The following SULT1B1 variants were observed in gnomAD, a reference collection of about 807,000 sequenced individuals.
SULT1B1 encodes sulfotransferase family 1B member 1.
In SULT1B1, 28 loss-of-function variants were observed where a neutral mutation model predicts 34.6. That is an observed-to-expected ratio of 0.81 (90% confidence interval 0.60 to 1.11). The LOEUF (loss-of-function observed/expected upper bound fraction) is 1.11. SULT1B1 is among the 50% of genes least tolerant of loss of function. The pLI, the probability that SULT1B1 is intolerant of heterozygous loss-of-function variation, is 0.00. For missense variants in SULT1B1, 374 were observed against 352.2 expected (o/e 1.06, Z -0.50); for synonymous variants, 147 against 110.2 (o/e 1.33, Z -2.09).
At position 69,726,033 on chromosome 4, in the gene SULT1B1, CATATATATATATATATAT is replaced by C. The variant is rs756017821; in HGVS notation, c.*1037_*1054del. 0.018 allele frequency: 515 copies of C among 29,162 alleles called. 20 individuals are homozygous for C. Among genetic ancestry groups the C allele is most frequent in the African/African-American group, 0.033 (403 of 12,314 alleles). The allele number at this position is 29,162 out of a possible 1,614,324, so 1.8% of individuals were successfully genotyped here. A position where few individuals can be genotyped will look rare whatever the true frequency, so the allele number is the denominator to read the frequency against. On this transcript the variant is annotated 3_prime_UTR_variant, in exon 8 of 8. Transcript: ENST00000310613. ...ACTTAAAGTATAATAATAAAATGTA[CATATATATATATATATAT>C]ATATATATATATATATATATATATA...
chr4:69,723,011 G>C lies in SULT1B1; in HGVS notation c.*4077C>G, dbSNP rs939647258. On this transcript the variant is annotated 3_prime_UTR_variant, in exon 8 of 8. Transcript: ENST00000310613. ...AACAACTACTTCTAATGCCAAGCTG[G>C]AGTTAAGATCAGAGCATAACTGAAG... 9.9e-5 allele frequency: 15 copies of C among 151,580 alleles called. No homozygotes were observed. The highest frequency in any genetic ancestry group is 3.6e-4 in the African/African-American group (15 of 41,350). The allele number at this position is 151,580 out of a possible 1,614,324, so 9.4% of individuals were successfully genotyped here.
In SULT1B1 at chr4:69,728,600, C is replaced by T. The variant is rs141907861; in HGVS notation, c.779-1400G>A. ...AGAAGTTTTTCTATATGCAAATTAA[C>T]GAATGAGTACTCTAAATGTTTACTG... On this transcript the variant is annotated intron_variant, in intron 7 of 7. Transcript: ENST00000310613. Among the ~76,000 whole-genome samples, 666 of 150,500 alleles carry T rather than the reference C, an allele frequency of 4.4e-3. 14 individuals are homozygous for T. The highest frequency in any genetic ancestry group is 0.015 in the African/African-American group (629 of 40,928).
At chr4:69,749,191 AAAT>A (rs1299696099) in intron 4 of SULT1B1, among the ~76,000 whole-genome samples, 1 of 152,168 alleles carries the variant, frequency 6.6e-6, no homozygotes, top group Non-Finnish European at 1.5e-5. Flanking sequence ...GCAGCCGTTA[AAAT>A]AATAATGAGT....
intron 7 of SULT1B1, 107 bp downstream of exon 7, chr4:69,730,394 A>C: frequency 9.9e-7 from 1 of 1,005,492 alleles, no homozygotes; most frequent in Non-Finnish European, 1.4e-6. Context: ...TTTGCTATAA[A>C]GCTTAAACAG....
chr4:69,754,392 C>G (rs1205222452), intron 3 of SULT1B1, among the ~76,000 whole-genome samples: 1 of 152,124 alleles, frequency 6.6e-6, no homozygotes, highest in Non-Finnish European at 1.5e-5. Context: ...TCTAATCAGA[C>G]AAATTCTACC....
At chr4:69,752,953 C>T (rs767871475) in intron 3 of SULT1B1, among the ~76,000 whole-genome samples, 23 of 152,114 alleles carry the variant, frequency 1.5e-4, no homozygotes, top group Non-Finnish European at 2.6e-4. Flanking sequence ...CCTTTGCTAG[C>T]TTCTCTTTCT....
chr4:69,743,348 C>T (rs1372448903), intron 4 of SULT1B1, among the ~76,000 whole-genome samples: 3 of 152,150 alleles, frequency 2.0e-5, no homozygotes, highest in African/African-American at 7.2e-5. Flanking sequence ...GTAGCTGGTC[C>T]TCCCGTCATC....
chr4:69,733,596 G>C, intron 5 of SULT1B1, 89 bp from the exon 6 acceptor site: 1 of 975,596 alleles, frequency 1.0e-6, no homozygotes, highest in Non-Finnish European at 1.5e-6. Flanking sequence ...AAAACATTTT[G>C]AATTTAGTAA....
Position 69,740,860 on chromosome 4 carries a change from C to T in SULT1B1, c.376-6596G>A, listed in dbSNP as rs186865705. 2.7e-3 allele frequency among the ~76,000 whole-genome samples: 417 copies of T among 152,138 alleles called. 3 individuals carry two copies. The highest frequency in any genetic ancestry group is 9.5e-3 in the African/African-American group (395 of 41,534). On this transcript the variant is annotated intron_variant, in intron 4 of 7. Coordinates refer to ENST00000310613, the MANE Select transcript of SULT1B1 (RefSeq NM_014465.4). ...GATGTATAGTTTGTAAATATTTTCT[C>T]GCATTTTCTATGCAGAAACTATTTA... is the stretch of plus-strand genomic sequence containing the variant.
Position 69,749,714 on chromosome 4 carries a change from A to G in SULT1B1, c.375+7T>C, listed in dbSNP as rs375646919. 5.6e-6 allele frequency: 9 copies of G among 1,603,420 alleles called. No homozygotes were observed. The highest frequency in any genetic ancestry group is 2.7e-5 in the African/African-American group (2 of 74,666). On this transcript the variant is annotated splice_region_variant and intron_variant, in intron 4 of 7. Transcript: ENST00000310613. Reference sequence around the variant, plus strand: ...ACTAAAAAACTGACATGGAGTCTGGAGTATACCTTGCAATTGTTTTCCCAG... The same window carrying G: ...ACTAAAAAACTGACATGGAGTCTGGGGTATACCTTGCAATTGTTTTCCCAG...
chr4:69,730,406 C>T, intron 7 of SULT1B1, 95 bp downstream of exon 7: 2 of 1,176,250 alleles, frequency 1.7e-6, no homozygotes, highest in African/African-American at 1.5e-5. Context: ...CTTAAACAGG[C>T]TAAGAAACTT....
At chr4:69,737,911 T>C (rs1272917907) in intron 4 of SULT1B1, among the ~76,000 whole-genome samples, 1 of 152,184 alleles carries the variant, frequency 6.6e-6, no homozygotes, top group Non-Finnish European at 1.5e-5. Context: ...GCAGATTTGT[T>C]GCATATTTGT....
chr4:69,737,933 G>T (rs1056134120), intron 4 of SULT1B1, among the ~76,000 whole-genome samples: 59 of 152,226 alleles, frequency 3.9e-4, no homozygotes, highest in African/African-American at 1.4e-3. Context: ...TGTCACTGGG[G>T]TTTTGTGTAC....
At chr4:69,733,906 C>A (rs972789879) in intron 5 of SULT1B1, among the ~76,000 whole-genome samples, 1 of 152,070 alleles carries the variant, frequency 6.6e-6, no homozygotes, top group Non-Finnish European at 1.5e-5. Flanking sequence ...GGACTTCTAG[C>A]AACTGAGAAC....
rs1190882887 is a variant in SULT1B1, at chr4:69,755,113, A to G, written c.105T>C (p.His35=). The change falls in exon 2 of 8, where the codon CAT becomes CAC. Residue 35 remains histidine (H), a synonymous_variant. Transcript: ENST00000310613. ...ASNWEKIEQF[H]SRPDDIVIAT... is the part of the protein sequence containing the mutation. ...CTATCACAATGTCATCTGGTCTGCT[A>G]TGGAACTGTTCAATTTTTTCCCAGT... 1.9e-6 allele frequency: 3 copies of G among 1,613,884 alleles called. No individual in the cohort carries two copies. The highest frequency in any genetic ancestry group is 2.2e-5 in the South Asian group (2 of 91,080).
intron 3 of SULT1B1, 103 bp downstream of exon 3, chr4:69,754,567 G>A (rs1380772010): frequency 8.5e-7 from 1 of 1,181,028 alleles, no homozygotes; most frequent in Admixed American, 2.5e-5. Flanking sequence ...TCCATTTTAT[G>A]TCACCAAATC....
intron 3 of SULT1B1, among the ~76,000 whole-genome samples, chr4:69,751,340 A>G (rs1035501093): frequency 1.3e-5 from 2 of 152,288 alleles, no homozygotes; most frequent in South Asian, 2.1e-4. Context: ...AATTTCCCCT[A>G]TTTTGCAATC....
intron 4 of SULT1B1, among the ~76,000 whole-genome samples, chr4:69,738,453 T>C (rs943500315): frequency 1.3e-5 from 2 of 151,696 alleles, no homozygotes; most frequent in African/African-American, 4.8e-5. Context: ...ATGGAGTGAG[T>C]CCAAGCAGGG....
chr4:69,737,257 T>C (rs1479291922), intron 4 of SULT1B1, among the ~76,000 whole-genome samples: 1 of 152,114 alleles, frequency 6.6e-6, no homozygotes, highest in African/African-American at 2.4e-5. Context: ...AGTAAAACTG[T>C]TCTCACTCAA....
Sources: allele counts gnomAD v4.1 joint callset (sites outside exome capture counted in the v4.1 genomes callset), GRCh38; gene constraint gnomAD v4.1.1; transcripts MANE v1.5; gene names NCBI Gene and HGNC (gene_info 2026-07-23, HGNC 2026-07-21).